SCGB2B2: variants seen among roughly 807,000 people sequenced by gnomAD.
SCGB2B2 encodes the protein secretoglobin family 2B member 2.
In SCGB2B2, 11 loss-of-function variants were observed where a neutral mutation model predicts 7.6. The observed-to-expected ratio is 1.45, with a 90% CI of 0.91 to 2.40. The LOEUF (loss-of-function observed/expected upper bound fraction) is 2.40, where lower values mean the gene tolerates loss of function less well. SCGB2B2 is among the 30% of genes most tolerant of loss of function. SCGB2B2 has a pLI of 0.00. For missense variants in SCGB2B2, 104 were observed against 115.4 expected (o/e 0.90, Z 0.45); for synonymous variants, 50 against 48.6 (o/e 1.03, Z -0.12).
intron 1 of SCGB2B2, among the ~76,000 whole-genome samples, chr19:34,610,790 CGT>C (rs2145837695): frequency 1.4e-5 from 2 of 139,230 alleles, no homozygotes; most frequent in South Asian, 4.5e-4. Context: ...TTTCTGTATG[CGT>C]GTGTCCTTGT....
chr19:34,620,783 G>C (rs532886052), intron 1 of SCGB2B2, among the ~76,000 whole-genome samples: 1 of 152,254 alleles, frequency 6.6e-6, no homozygotes, highest in South Asian at 2.1e-4. Flanking sequence ...GATGGAGATG[G>C]GGCAAATCTT....
chr19:34,655,068 T>C (rs970701471), intron 1 of SCGB2B2, among the ~76,000 whole-genome samples: 3 of 151,278 alleles, frequency 2.0e-5, no homozygotes, highest in East Asian at 1.9e-4. Context: ...ATGCAGGACA[T>C]AGGACAAGAG....
chr19:34,590,727 C>T lies in SCGB2B2; in HGVS notation c.*2828G>A, dbSNP rs1028963624. Among the ~76,000 whole-genome samples, 7 of 144,844 alleles carry T rather than the reference C, an allele frequency of 4.8e-5. No individual in the cohort carries two copies. The highest frequency in any genetic ancestry group is 2.3e-4 in the South Asian group (1 of 4,416). Reference sequence around the variant, plus strand: ...CACATATCATTAAGAATAACAGAGTCGTAAGCATTTTAGTTAAAGTAAACT... The same window carrying T: ...CACATATCATTAAGAATAACAGAGTTGTAAGCATTTTAGTTAAAGTAAACT... On this transcript the variant is annotated 3_prime_UTR_variant, in exon 4 of 4. Coordinates refer to ENST00000601241, the MANE Select transcript of SCGB2B2 (RefSeq NM_001025591.4).
intron 1 of SCGB2B2, among the ~76,000 whole-genome samples, chr19:34,600,921 GT>G (rs2065605827): frequency 1.0e-5 from 1 of 97,768 alleles, no homozygotes; most frequent in African/African-American, 4.8e-5. Context: ...GGGGTGTGGT[GT>G]GTGTGTGTGT....
At chr19:34,637,119 C>T (rs1242821513) in intron 1 of SCGB2B2, among the ~76,000 whole-genome samples, 1 of 152,170 alleles carries the variant, frequency 6.6e-6, no homozygotes, top group Non-Finnish European at 1.5e-5. Flanking sequence ...CACAGTGAGG[C>T]ATGAGGAAAT....
intron 3 of SCGB2B2, 140 bp downstream of exon 3, chr19:34,594,035 A>G (rs1600032452): frequency 1.5e-6 from 1 of 680,880 alleles, no homozygotes. Flanking sequence ...GCAGGTGGGG[A>G]ACTTCATCTG....
At chr19:34,621,263 T>C (rs572002530) in intron 1 of SCGB2B2, among the ~76,000 whole-genome samples, 22 of 152,272 alleles carry the variant, frequency 1.4e-4, no homozygotes, top group African/African-American at 4.8e-4. Context: ...ATTTTCTAAT[T>C]GGATTATTGG....
intron 1 of SCGB2B2, among the ~76,000 whole-genome samples, chr19:34,611,506 T>C (rs2065926282): frequency 6.6e-6 from 1 of 152,152 alleles, no homozygotes. Flanking sequence ...TGATATGTTG[T>C]GTTGGTTTCA....
chr19:34,641,394 G>C (rs890979853), intron 1 of SCGB2B2, among the ~76,000 whole-genome samples: 2 of 152,182 alleles, frequency 1.3e-5, no homozygotes, highest in Non-Finnish European at 2.9e-5. Context: ...GGCCAAGTAA[G>C]TCTAATACAA....
chr19:34,609,758 T>C (rs1413660018), intron 1 of SCGB2B2, among the ~76,000 whole-genome samples: 2 of 152,170 alleles, frequency 1.3e-5, no homozygotes, highest in South Asian at 2.1e-4. Context: ...AAAAGTGTTA[T>C]GCCTCCAACT....
At chr19:34,603,795 CT>C (rs71165672) in intron 1 of SCGB2B2, among the ~76,000 whole-genome samples, 24,813 of 131,108 alleles carry the variant, frequency 0.19, 2,549 homozygotes, top group South Asian at 0.31. Flanking sequence ...TGTTTTATTA[CT>C]TTTTTTTTTT....
intron 1 of SCGB2B2, among the ~76,000 whole-genome samples, chr19:34,647,276 G>A (rs544818474): frequency 4.9e-4 from 74 of 152,246 alleles, no homozygotes; most frequent in African/African-American, 1.6e-3. Flanking sequence ...AGTTGATTTC[G>A]TCCTCGCTGG....
intron 1 of SCGB2B2, among the ~76,000 whole-genome samples, chr19:34,631,112 T>TGG (rs1475533726): frequency 1.1e-5 from 1 of 89,078 alleles, no homozygotes; most frequent in Non-Finnish European, 2.1e-5. Context: ...CGGGGCCTGT[T>TGG]GTGGGGTGGG....
Position 34,635,152 on chromosome 19 carries a change from A to G in SCGB2B2, c.-2031-38558T>C, listed in dbSNP as rs1225533167. On this transcript the variant is annotated intron_variant, in intron 1 of 3. Transcript: ENST00000601241. ...TTCAATAAGGCCATAGCTTTGTCTA[A>G]AGGATTTCCCACATTCACTGCATTC... is the stretch of plus-strand genomic sequence containing the variant. 16 of 299,130 alleles carry G rather than the reference A, an allele frequency of 5.3e-5. No homozygotes were observed. In the East Asian group the frequency reaches 1.5e-3, roughly 28 times the overall value. 18.5% of individuals were successfully genotyped at this position (299,130 alleles called of 1,614,324 possible). A position where few individuals can be genotyped will look rare whatever the true frequency, so the allele number is the denominator to read the frequency against.
chr19:34,662,894 G>T (rs2067499851), intron 1 of SCGB2B2, among the ~76,000 whole-genome samples: 1 of 152,052 alleles, frequency 6.6e-6, no homozygotes, highest in African/African-American at 2.4e-5. Flanking sequence ...TCATGCCACT[G>T]TACTTTAGCC....
rs767848500 is a variant in SCGB2B2 at position 34,594,177 on chromosome 19, T to C, written c.244A>G (p.Ile82Val). The change falls in exon 3 of 4, where the codon ATT becomes GTT. Residue 82 changes from isoleucine to valine, a missense_variant and splice_region_variant. Physicochemically the swap from Ile to Val is conservative, Grantham distance 29. Coordinates refer to ENST00000601241, the MANE Select transcript of SCGB2B2 (RefSeq NM_001025591.4). The stretch of plus-strand genomic sequence containing the variant: ...CAGGTCCCCCCGGGCACACTCACAA[T>C]AACAACTGAATGAGCAAATCTTTCT... The part of the protein sequence containing the change: ...VTERFAHSVV[I>V]KKILQSNDCI... 1.2e-6 allele frequency: 2 copies of C among 1,613,776 alleles called. No individual in the cohort carries two copies. Among genetic ancestry groups the C allele is most frequent in the Non-Finnish European group, 1.7e-6 (2 of 1,179,746 alleles).
intron 1 of SCGB2B2, among the ~76,000 whole-genome samples, chr19:34,661,804 T>A (rs1600069500): frequency 6.6e-6 from 1 of 151,792 alleles, no homozygotes; most frequent in East Asian, 1.9e-4. Context: ...GTAAACTTTT[T>A]AAAAACATTA....
intron 1 of SCGB2B2, among the ~76,000 whole-genome samples, chr19:34,606,082 T>A (rs1406331922): frequency 1.3e-5 from 2 of 151,814 alleles, no homozygotes; most frequent in Non-Finnish European, 2.9e-5. Context: ...TTAAAATTTT[T>A]TAAAAAAATT....
downstream of SCGB2B2, among the ~76,000 whole-genome samples, chr19:34,589,913 G>T (rs375673829): frequency 6.6e-6 from 1 of 152,298 alleles, no homozygotes; most frequent in East Asian, 1.9e-4. Flanking sequence ...TCTGGCAGCT[G>T]TGGGGATGGC....
Sources: gnomAD v4.1 joint callset for allele counts (sites outside exome capture counted in the v4.1 genomes callset) on GRCh38, gnomAD v4.1.1 for gene constraint, MANE v1.5 for transcripts, NCBI Gene and HGNC (gene_info 2026-07-23, HGNC 2026-07-21) for gene names.